ARHGAP8: variants seen among roughly 807,000 people sequenced by gnomAD.
The protein encoded by ARHGAP8 is Rho GTPase activating protein 8, also known as rho GTPase-activating protein 8.
In ARHGAP8, 62 loss-of-function variants were observed where a neutral mutation model predicts 46.1. The observed-to-expected ratio is 1.34, with a 90% CI of 1.10 to 1.66. The LOEUF (loss-of-function observed/expected upper bound fraction) is 1.66. ARHGAP8 is among the 40% of genes most tolerant of loss of function. ARHGAP8 has a pLI of 0.00. For synonymous variants in ARHGAP8, 375 were observed against 243.1 expected, an observed-to-expected ratio of 1.54 and a Z score of -5.05; for missense variants, 923 against 568.4, an observed-to-expected ratio of 1.62 and a Z score of -6.34.
chr22:44,767,645 A>C (rs899520254), intron 1 of ARHGAP8, among the ~76,000 whole-genome samples: 6 of 151,564 alleles, frequency 4.0e-5, no homozygotes, highest in Non-Finnish European at 5.9e-5. Flanking sequence ...ACAACCCCCT[A>C]CCACCTCCCT....
In ARHGAP8 at chr22:44,802,808, C is replaced by G. The variant is rs944233981; in HGVS notation, c.167+644C>G. Among the ~76,000 whole-genome samples, 11 of 152,308 alleles carry G rather than the reference C, an allele frequency of 7.2e-5. 1 individual carries two copies. The highest frequency in any genetic ancestry group is 2.6e-4 in the African/African-American group (11 of 41,576). ...CGGTCTTCACATGGCCTTTTTGCCT[C>G]TGTGTCTTCCCATCTCATAAGGACA... is the stretch of plus-strand genomic sequence containing the variant. On this transcript the variant is annotated intron_variant, in intron 3 of 11. Coordinates refer to ENST00000356099, the MANE Select transcript of ARHGAP8 (RefSeq NM_181335.3).
At chr22:44,800,417 T>A (rs1382299405) in intron 2 of ARHGAP8, among the ~76,000 whole-genome samples, 2 of 152,138 alleles carry the variant, frequency 1.3e-5, no homozygotes, top group South Asian at 2.1e-4. Flanking sequence ...GATCTGTCTT[T>A]TTATCTCACT....
chr22:44,772,760 T>C (rs1418454110), intron 1 of ARHGAP8, among the ~76,000 whole-genome samples: 3 of 151,892 alleles, frequency 2.0e-5, no homozygotes, highest in Non-Finnish European at 2.9e-5. Flanking sequence ...TTATTTCTGA[T>C]GTAACATGTA....
In ARHGAP8 at chr22:44,849,389, G is replaced by A. The variant is rs181477274; in HGVS notation, c.877+329G>A. On this transcript the variant is annotated intron_variant, in intron 10 of 11. Transcript: ENST00000356099. Reference sequence around the variant, plus strand: ...CCTGGTCAAAGTCCTGCCTGTAACCGCTCCCAGGCCCCAGACCCTCAGCTC... The same window carrying A: ...CCTGGTCAAAGTCCTGCCTGTAACCACTCCCAGGCCCCAGACCCTCAGCTC... The A allele has an allele frequency of 1.2e-4, 39 of 331,158 alleles. No individual in the cohort carries two copies. In the South Asian group the frequency reaches 1.2e-3, roughly 10 times the overall value. 20.5% of individuals were successfully genotyped at this position (331,158 alleles called of 1,614,324 possible). A position where few individuals can be genotyped will look rare whatever the true frequency, so the allele number is the denominator to read the frequency against.
rs572679439 is a variant in ARHGAP8, at chr22:44,832,779, T to C, written c.596+7186T>C. Reference sequence around the variant, plus strand: ...ATGCCTGACTGTAACCTCCAATACATTGTTGAATAAAAATGATAAGAGCAG... The same window carrying C: ...ATGCCTGACTGTAACCTCCAATACACTGTTGAATAAAAATGATAAGAGCAG... On this transcript the variant is annotated intron_variant, in intron 7 of 11. Transcript: ENST00000356099. 8.3e-4 allele frequency among the ~76,000 whole-genome samples: 126 copies of C among 152,262 alleles called. 1 individual carries two copies. Among genetic ancestry groups the C allele is most frequent in the African/African-American group, 3.0e-3 (123 of 41,542 alleles).
chr22:44,780,824 C>T (rs1210219177), intron 1 of ARHGAP8, among the ~76,000 whole-genome samples: 1 of 152,192 alleles, frequency 6.6e-6, no homozygotes, highest in Non-Finnish European at 1.5e-5. Context: ...GGATCATCCT[C>T]CTGGGTTGTG....
intron 4 of ARHGAP8, among the ~76,000 whole-genome samples, chr22:44,811,748 C>T (rs1409008019): frequency 2.6e-5 from 4 of 152,142 alleles, no homozygotes; most frequent in Admixed American, 2.6e-4. Context: ...GTAATCCCAG[C>T]ACTTTGGGAG....
chr22:44,802,192 T>C lies in ARHGAP8; in HGVS notation c.167+28T>C, dbSNP rs775865926. The stretch of plus-strand genomic sequence containing the variant: ...AAGTGTTCTGCCCCCTCTCTTTCTG[T>C]CCCTGTCTCTCCATGTTGCTTGTCC... On this transcript the variant is annotated intron_variant, in intron 3 of 11. Coordinates refer to ENST00000356099, the MANE Select transcript of ARHGAP8 (RefSeq NM_181335.3). 6 of 1,612,560 alleles carry C rather than the reference T, an allele frequency of 3.7e-6. No individual in the cohort carries two copies. In the South Asian group the frequency reaches 6.6e-5, roughly 18 times the overall value.
At chr22:44,826,148 C>T (rs1366408494) in intron 7 of ARHGAP8, among the ~76,000 whole-genome samples, 1 of 152,000 alleles carries the variant, frequency 6.6e-6, no homozygotes, top group Admixed American at 6.6e-5. Context: ...CTTCCAGAGC[C>T]AGTGGGCAGC....
intron 1 of ARHGAP8, among the ~76,000 whole-genome samples, chr22:44,766,536 A>G (rs1243475342): frequency 6.6e-6 from 1 of 151,230 alleles, no homozygotes; most frequent in Non-Finnish European, 1.5e-5. Flanking sequence ...GTCTGTAGGC[A>G]TGTGTGTCTG....
At chr22:44,816,191 A>C (rs1295853508) in intron 5 of ARHGAP8, among the ~76,000 whole-genome samples, 1 of 152,100 alleles carries the variant, frequency 6.6e-6, no homozygotes, top group Non-Finnish European at 1.5e-5. Flanking sequence ...CTGCTGACAC[A>C]GGTCTCTTCT....
intron 11 of ARHGAP8, 151 bp downstream of exon 11, chr22:44,859,985 T>A: frequency 1.0e-6 from 1 of 968,536 alleles, no homozygotes; most frequent in South Asian, 1.7e-5. Context: ...AAGGACCTCA[T>A]CCAAGGCCTG....
At chr22:44,783,400 C>T (rs1176748600) in intron 1 of ARHGAP8, among the ~76,000 whole-genome samples, 3 of 152,148 alleles carry the variant, frequency 2.0e-5, no homozygotes, top group African/African-American at 4.8e-5. Flanking sequence ...GACCCACACC[C>T]GGAGCTTGTC....
chr22:44,834,023 T>C (rs562630956), intron 7 of ARHGAP8, among the ~76,000 whole-genome samples: 1 of 152,282 alleles, frequency 6.6e-6, no homozygotes, highest in South Asian at 2.1e-4. Context: ...ATTTTAGTAA[T>C]TTGAATCTTC....
chr22:44,763,688 A>G (rs1925320583), intron 1 of ARHGAP8, among the ~76,000 whole-genome samples: 3 of 151,958 alleles, frequency 2.0e-5, no homozygotes, highest in Admixed American at 2.0e-4. Context: ...AATGGAGGCA[A>G]ATTCGGGGAG....
At chr22:44,855,600 T>C (rs2070201114) in intron 10 of ARHGAP8, among the ~76,000 whole-genome samples, 1 of 152,190 alleles carries the variant, frequency 6.6e-6, no homozygotes, top group Admixed American at 6.5e-5. Flanking sequence ...TTCCAAATAG[T>C]CCTTTTAACC....
At chr22:44,761,138 G>C (rs1165910771) in intron 1 of ARHGAP8, among the ~76,000 whole-genome samples, 1 of 152,226 alleles carries the variant, frequency 6.6e-6, no homozygotes, top group Non-Finnish European at 1.5e-5. Context: ...GCATGGGCTT[G>C]GTCCTCGTGA....
intron 6 of ARHGAP8, 33 bp downstream of exon 6, chr22:44,822,502 A>G (rs1436889186): frequency 2.0e-6 from 3 of 1,499,060 alleles, no homozygotes; most frequent in Admixed American, 2.7e-5. Context: ...AAGCCGCATC[A>G]ATACATCTTC....
At chr22:44,849,711 C>T (rs2070047911) in intron 10 of ARHGAP8, 1 of 152,268 alleles carries the variant, frequency 6.6e-6, no homozygotes, top group South Asian at 2.1e-4. Context: ...CTCCTTTCTT[C>T]TTGGAGCACT....
Sources: allele counts gnomAD v4.1 joint callset (sites outside exome capture counted in the v4.1 genomes callset), GRCh38; gene constraint gnomAD v4.1.1; transcripts MANE v1.5; gene names NCBI Gene and HGNC (gene_info 2026-07-23, HGNC 2026-07-21).